Variants in GORASP2 observed in about 807,000 individuals in gnomAD.
GORASP2 encodes Golgi reassembly-stacking protein 2.
Under a neutral mutation model 45.7 loss-of-function variants are expected in GORASP2, and 22 were observed. That is an observed-to-expected ratio of 0.48 (90% CI 0.34 to 0.69). GORASP2 has a LOEUF of 0.69. Ranked by LOEUF, GORASP2 falls within the 30% of genes least tolerant of loss-of-function variation. The pLI, the probability that GORASP2 is intolerant of heterozygous loss-of-function variation, is 0.01. For missense variants in GORASP2, 491 were observed against 562.7 expected, an observed-to-expected ratio of 0.87 and a Z score of 1.29; for synonymous variants, 221 against 215.6, an observed-to-expected ratio of 1.02 and a Z score of -0.22.
At chr2:170,940,150 A>C (rs901047539) in intron 1 of GORASP2, among the ~76,000 whole-genome samples, 1 of 152,244 alleles carries the variant, frequency 6.6e-6, no homozygotes, top group Non-Finnish European at 1.5e-5. Flanking sequence ...CATTGTCAGA[A>C]AACTTAAGGA....
At chr2:170,959,085 C>T (rs1704493356) in intron 7 of GORASP2, among the ~76,000 whole-genome samples, 2 of 151,826 alleles carry the variant, frequency 1.3e-5, no homozygotes, top group South Asian at 2.1e-4. Flanking sequence ...CCCAGCCTCC[C>T]GAGTAGCTGG....
chr2:170,965,130 G>C (rs1704655484), intron 9 of GORASP2, among the ~76,000 whole-genome samples: 1 of 151,344 alleles, frequency 6.6e-6, no homozygotes, highest in Non-Finnish European at 1.5e-5. Context: ...GCCCAGGCTG[G>C]TCTCCAACTC....
At chr2:170,932,697 C>T (rs1485538142) in intron 1 of GORASP2, among the ~76,000 whole-genome samples, 1 of 152,212 alleles carries the variant, frequency 6.6e-6, no homozygotes, top group African/African-American at 2.4e-5. Flanking sequence ...TGTAATCCCA[C>T]CATCTAAAGG....
rs1432897960 is a variant in GORASP2 at position 170,929,909 on chromosome 2, A to G, written c.63+506A>G. On this transcript the variant is annotated intron_variant, in intron 1 of 9. Coordinates refer to ENST00000234160, the MANE Select transcript of GORASP2 (RefSeq NM_015530.5). Reference sequence around the variant, plus strand: ...CGGCCGAGTGGCCTGAAAGACCAGCAGGGCAGGAGACGGAAAACCAAATGG... The same window carrying G: ...CGGCCGAGTGGCCTGAAAGACCAGCGGGGCAGGAGACGGAAAACCAAATGG... The G allele has an allele frequency of 1.0e-5, 4 of 382,438 alleles. No homozygotes were observed. In the East Asian group the frequency reaches 4.3e-4, roughly 41 times the overall value. 23.7% of individuals were successfully genotyped at this position (382,438 alleles called of 1,614,324 possible). A position where few individuals can be genotyped will look rare whatever the true frequency, so the allele number is the denominator to read the frequency against.
intron 7 of GORASP2, among the ~76,000 whole-genome samples, chr2:170,960,741 C>T (rs1185301563): frequency 6.6e-6 from 1 of 152,186 alleles, no homozygotes; most frequent in Non-Finnish European, 1.5e-5. Context: ...TCCAGTAGAG[C>T]ATTTGCCAGT....
chr2:170,941,764 G>C (rs1335836564), intron 1 of GORASP2, among the ~76,000 whole-genome samples: 1 of 152,108 alleles, frequency 6.6e-6, no homozygotes, highest in Non-Finnish European at 1.5e-5. Context: ...ACCTGTTGAT[G>C]GGGATTTTTG....
At chr2:170,936,704 A>C in intron 1 of GORASP2, 1 of 1,160,554 alleles carries the variant, frequency 8.6e-7, no homozygotes, top group Non-Finnish European at 1.2e-6. Context: ...CTGTAATCCC[A>C]GCTACTCCAA....
rs535602122 is a variant in GORASP2, at chr2:170,950,836, G to A, written c.436-492G>A. ...GTCTCTACAACAAATACAAAAATTA[G>A]CCAGGCATGGTGGTGCATGCCTATA... On this transcript the variant is annotated intron_variant, in intron 4 of 9. Transcript: ENST00000234160. 6.6e-5 allele frequency among the ~76,000 whole-genome samples: 10 copies of A among 152,212 alleles called. No homozygotes were observed. The South Asian group carries it at 2.1e-3, about 32-fold the overall frequency.
At chr2:170,934,702 G>T (rs1703905752) in intron 1 of GORASP2, among the ~76,000 whole-genome samples, 2 of 152,000 alleles carry the variant, frequency 1.3e-5, no homozygotes, top group African/African-American at 2.4e-5. Context: ...GTCTGACCCT[G>T]CCCCCAGAAT....
In GORASP2 at chr2:170,966,362, A is replaced by C; in HGVS notation, c.*232A>C. On this transcript the variant is annotated 3_prime_UTR_variant, in exon 10 of 10. Coordinates refer to ENST00000234160, the MANE Select transcript of GORASP2 (RefSeq NM_015530.5). ...CTTGTATTTTAAACAACCAAAAAGA[A>C]TTGTAAGGGTGGCTTGCTGCCAGGC... The C allele has an allele frequency of 3.6e-6, 2 of 550,806 alleles. No homozygotes were observed. The highest frequency in any genetic ancestry group is 3.2e-5 in the East Asian group (1 of 31,100). 34.1% of individuals were successfully genotyped at this position (550,806 alleles called of 1,614,324 possible).
intron 4 of GORASP2, among the ~76,000 whole-genome samples, chr2:170,950,710 A>C (rs1704281363): frequency 6.6e-6 from 1 of 152,226 alleles, no homozygotes. Context: ...GGCTGGGCAC[A>C]GTGGCTCATG....
At chr2:170,959,099 T>A (rs1450567955) in intron 7 of GORASP2, among the ~76,000 whole-genome samples, 1 of 152,010 alleles carries the variant, frequency 6.6e-6, no homozygotes, top group Non-Finnish European at 1.5e-5. Context: ...TAGCTGGGAC[T>A]ACAGGCGCAC....
In GORASP2 at chr2:170,936,042, G is replaced by A. The variant is rs1033626879; in HGVS notation, c.63+6639G>A. 3.3e-5 allele frequency among the ~76,000 whole-genome samples: 5 copies of A among 152,132 alleles called. No individual in the cohort carries two copies. The South Asian group carries it at 1.0e-3, about 32-fold the overall frequency. ...GCCTTCTGGGTCAGATACTAACAGG[G>A]CTTTTTAATAATTCCTCTGCAAATT... On this transcript the variant is annotated intron_variant, in intron 1 of 9. Transcript: ENST00000234160.
Position 170,929,289 on chromosome 2 carries a change from G to GGGGGCGGGAGC in GORASP2, c.-51_-41dup. 1 of 1,299,036 alleles carries GGGGGCGGGAGC rather than the reference G, an allele frequency of 7.7e-7. No homozygotes were observed. The highest frequency in any genetic ancestry group is 9.9e-7 in the Non-Finnish European group (1 of 1,013,844). 80.5% of individuals were successfully genotyped at this position (1,299,036 alleles called of 1,614,324 possible). On this transcript the variant is annotated 5_prime_UTR_variant, in exon 1 of 10. Transcript: ENST00000234160. ...GGAGGATTAGAGCAGGCGGTGCGCTGGGGGCGGGAGCAGCGCGGAGCCCGG... is the reference window on the plus strand; with the variant it reads ...GGAGGATTAGAGCAGGCGGTGCGCTGGGGGCGGGAGCGGGGCGGGAGCAGCGCGGAGCCCGG...
chr2:170,965,927 T>A lies in GORASP2; in HGVS notation c.1156T>A (p.Ser386Thr), dbSNP rs1264496488. ...AGCAAGCTCAGGAGAGCTGCTGTCT[T>A]CCCTCCCGCCCACCAGCAACGCACC... Reference protein sequence around the residue: ...SAASSGELLSSLPPTSNAPSD... With the variant: ...SAASSGELLSTLPPTSNAPSD... The change falls in exon 10 of 10, where the codon TCC (serine) becomes ACC (threonine). Residue 386 changes from serine (S) to threonine (T), a missense_variant. Ser to Thr is a moderately conservative substitution (Grantham distance 58). Coordinates refer to ENST00000234160, the MANE Select transcript of GORASP2 (RefSeq NM_015530.5). The A allele has an allele frequency of 6.2e-7, 1 of 1,613,634 alleles. No homozygotes were observed. The highest frequency in any genetic ancestry group is 2.2e-5 in the East Asian group (1 of 44,844).
chr2:170,961,258 A>C (rs950053116), intron 7 of GORASP2, among the ~76,000 whole-genome samples: 10 of 152,222 alleles, frequency 6.6e-5, no homozygotes, highest in Admixed American at 2.0e-4. Context: ...CACAGGGCAC[A>C]TGGTCCCCCT....
At chr2:170,938,650 C>T (rs10515934) in intron 1 of GORASP2, among the ~76,000 whole-genome samples, 31,692 of 152,098 alleles carry the variant, frequency 0.21, 3,936 homozygotes, top group Non-Finnish European at 0.29. Flanking sequence ...AACAGTTAGA[C>T]TTATTTCATG....
chr2:170,953,495 C>T (rs1240103180), intron 5 of GORASP2, among the ~76,000 whole-genome samples: 2 of 152,156 alleles, frequency 1.3e-5, no homozygotes, highest in African/African-American at 4.8e-5. Context: ...GCATGGCCTA[C>T]TCTGAAATTG....
upstream of GORASP2, chr2:170,929,039 C>T (rs1232733721): frequency 6.1e-6 from 2 of 328,800 alleles, no homozygotes; most frequent in Admixed American, 9.8e-5. Flanking sequence ...GGGGGAAGCG[C>T]ATTTCTGTTC....
Sources: gnomAD v4.1 joint callset for allele counts (sites outside exome capture counted in the v4.1 genomes callset) on GRCh38, gnomAD v4.1.1 for gene constraint, MANE v1.5 for transcripts, NCBI Gene and HGNC (gene_info 2026-07-23, HGNC 2026-07-21) for gene names.